Variants in RBFOX1 observed in about 807,000 individuals in gnomAD.
The protein encoded by RBFOX1 is RNA binding fox-1 homolog 1.
RBFOX1 carries 8 observed loss-of-function variants against 57.7 expected under a neutral mutation model. That is an observed-to-expected ratio of 0.14 (90% CI 0.08 to 0.25). The LOEUF (loss-of-function observed/expected upper bound fraction) is 0.25, where lower values mean the gene tolerates loss of function less well. Among genes scored for constraint, RBFOX1 ranks in the 10% least tolerant of loss-of-function variants. The pLI is 1.00. For missense variants in RBFOX1, 611 were observed against 548.5 expected, an observed-to-expected ratio of 1.11 and a Z score of -1.14; for synonymous variants, 326 against 222.4, an observed-to-expected ratio of 1.47 and a Z score of -4.15.
At chr16:7,557,821 C>G (rs1274971070) in intron 5 of RBFOX1, among the ~76,000 whole-genome samples, 2 of 151,896 alleles carry the variant, frequency 1.3e-5, no homozygotes, top group African/African-American at 2.4e-5. Flanking sequence ...AGAGACTGAT[C>G]TGAAGCATTT....
intron 1 of RBFOX1, among the ~76,000 whole-genome samples, chr16:6,040,739 C>A (rs189688184): frequency 6.6e-5 from 10 of 152,094 alleles, no homozygotes; most frequent in Non-Finnish European, 1.3e-4. Flanking sequence ...GGATTACAGG[C>A]ACCCACCACC....
At chr16:7,022,970 C>A (rs1021417892) in intron 3 of RBFOX1, among the ~76,000 whole-genome samples, 11 of 152,194 alleles carry the variant, frequency 7.2e-5, no homozygotes, top group African/African-American at 2.6e-4. Flanking sequence ...AGGAAGGAGG[C>A]AGAATGGGCA....
intron 3 of RBFOX1, among the ~76,000 whole-genome samples, chr16:6,663,598 T>A (rs1394417934): frequency 6.6e-6 from 1 of 152,152 alleles, no homozygotes; most frequent in Non-Finnish European, 1.5e-5. Context: ...TTAAGGCACA[T>A]AAGGGCAGAG....
intron 10 of RBFOX1, among the ~76,000 whole-genome samples, chr16:7,622,974 C>T (rs1220393420): frequency 3.3e-5 from 5 of 152,124 alleles, no homozygotes; most frequent in Non-Finnish European, 5.9e-5. Flanking sequence ...AAGTATCCAC[C>T]GTCCATTCGG....
intron 3 of RBFOX1, among the ~76,000 whole-genome samples, chr16:5,820,120 A>C (rs2151801399): frequency 6.6e-6 from 1 of 152,008 alleles, no homozygotes; most frequent in East Asian, 1.9e-4. Flanking sequence ...TATTTCTACC[A>C]CCTCTAGGAA....
chr16:6,535,891 T>G (rs1372138730), intron 2 of RBFOX1, among the ~76,000 whole-genome samples: 1 of 152,202 alleles, frequency 6.6e-6, no homozygotes, highest in East Asian at 1.9e-4. Context: ...ATTTTTCAGT[T>G]TCTTCCCTTT....
rs573518816 is a variant in RBFOX1, at chr16:6,814,150, A to C, written c.-16+159500A>C. Among the ~76,000 whole-genome samples the C allele has an allele frequency of 4.6e-5, 7 of 152,048 alleles. No homozygotes were observed. The South Asian group carries it at 1.5e-3, about 32-fold the overall frequency. ...TATTTAAAACTCCTAGAACAACAAC[A>C]CACCAAACAAGCCAATATTCTGAGA... On this transcript the variant is annotated intron_variant, in intron 3 of 15. Coordinates refer to ENST00000550418, the MANE Select transcript of RBFOX1 (RefSeq NM_018723.4).
intron 1 of RBFOX1, among the ~76,000 whole-genome samples, chr16:5,410,402 G>T (rs1034886759): frequency 3.0e-4 from 46 of 151,912 alleles, no homozygotes; most frequent in African/African-American, 1.1e-3. Flanking sequence ...AAATCATTGT[G>T]CATGTCTCTT....
chr16:6,539,124 G>GGAA (rs549793239), intron 2 of RBFOX1, among the ~76,000 whole-genome samples: 2 of 148,518 alleles, frequency 1.3e-5, no homozygotes, highest in African/African-American at 2.5e-5. Context: ...GATATTTGGT[G>GGAA]AAAAAAAAAA....
chr16:7,361,603 G>C (rs1257653999), intron 4 of RBFOX1, among the ~76,000 whole-genome samples: 1 of 152,114 alleles, frequency 6.6e-6, no homozygotes, highest in Non-Finnish European at 1.5e-5. Flanking sequence ...CTACTTATAG[G>C]GATAACTAAA....
In RBFOX1 at chr16:5,790,956, C is replaced by T. The variant is rs577566315; in HGVS notation, c.319-76347C>T. Among the ~76,000 whole-genome samples the T allele has an allele frequency of 3.3e-5, 5 of 151,084 alleles. No individual in the cohort carries two copies. The South Asian group carries it at 1.0e-3, about 32-fold the overall frequency. On this transcript the variant is annotated intron_variant, in intron 3 of 19. Coordinates refer to the RBFOX1 transcript ENST00000641259. ...TGATTTCGGCACACTGCAACCTCTG[C>T]TTTCTGGGTTCAAGTGATTCTTTTG...
chr16:7,688,260 T>TGTGTGTGTGAGAGAGA (rs1319185243), intron 14 of RBFOX1, among the ~76,000 whole-genome samples: 4 of 125,296 alleles, frequency 3.2e-5, no homozygotes, highest in African/African-American at 1.2e-4. Context: ...TGTGTGTGTG[T>TGTGTGTGTGAGAGAGA]GAGAGAGAGA....
intron 2 of RBFOX1, among the ~76,000 whole-genome samples, chr16:5,517,837 C>T (rs1192606583): frequency 7.5e-6 from 1 of 132,806 alleles, no homozygotes; most frequent in Admixed American, 8.1e-5. Context: ...GACTATTTTA[C>T]ATATATGTAT....
chr16:6,240,491 C>A lies in RBFOX1; in HGVS notation c.-126-76504C>A, dbSNP rs2097534540. 2.0e-5 allele frequency among the ~76,000 whole-genome samples: 3 copies of A among 151,980 alleles called. No homozygotes were observed. In the South Asian group the frequency reaches 6.2e-4, roughly 32 times the overall value. ...CTCCTTGCTTGAAGGTACCCCAGGC[C>A]CTCACTCAGGCATGAAGGTGCAAAC... On this transcript the variant is annotated intron_variant, in intron 1 of 15. Coordinates refer to ENST00000550418, the MANE Select transcript of RBFOX1 (RefSeq NM_018723.4).
chr16:7,609,364 C>T (rs535688485), intron 10 of RBFOX1, among the ~76,000 whole-genome samples: 4 of 152,202 alleles, frequency 2.6e-5, no homozygotes, highest in Non-Finnish European at 5.9e-5. Flanking sequence ...ACCTAATATC[C>T]CCGTTACTTG....
At chr16:6,994,792 A>C (rs1209783720) in intron 3 of RBFOX1, among the ~76,000 whole-genome samples, 1 of 152,192 alleles carries the variant, frequency 6.6e-6, no homozygotes, top group Non-Finnish European at 1.5e-5. Flanking sequence ...TTACCGACCA[A>C]ATTGCATGGA....
intron 2 of RBFOX1, among the ~76,000 whole-genome samples, chr16:6,397,438 T>C (rs2092886793): frequency 1.4e-5 from 2 of 142,448 alleles, no homozygotes; most frequent in African/African-American, 2.4e-5. Flanking sequence ...AATTCTGTTT[T>C]CATAAAAAAA....
intron 4 of RBFOX1, among the ~76,000 whole-genome samples, chr16:7,363,333 A>G (rs985714190): frequency 6.6e-6 from 1 of 152,244 alleles, no homozygotes. Flanking sequence ...GTTACTTACA[A>G]CGTGTGAGAC....
At chr16:7,221,773 A>T (rs12051166) in intron 4 of RBFOX1, among the ~76,000 whole-genome samples, 1 of 152,028 alleles carries the variant, frequency 6.6e-6, no homozygotes, top group Non-Finnish European at 1.5e-5. Flanking sequence ...TTGTTATTCT[A>T]CCAGAATGGT....
Sources: gnomAD v4.1 joint callset for allele counts (sites outside exome capture counted in the v4.1 genomes callset) on GRCh38, gnomAD v4.1.1 for gene constraint, MANE v1.5 for transcripts, NCBI Gene and HGNC (gene_info 2026-07-23, HGNC 2026-07-21) for gene names.